The following PTPRM variants were observed in gnomAD, a reference collection of about 807,000 sequenced individuals.
PTPRM encodes receptor-type tyrosine-protein phosphatase mu.
Under a neutral mutation model 186.7 loss-of-function variants are expected in PTPRM, and 47 were observed. The observed-to-expected ratio is 0.25, with a 90% CI of 0.20 to 0.32. The LOEUF is 0.32. Among genes scored for constraint, PTPRM ranks in the 10% least tolerant of loss-of-function variants. The probability of loss-of-function intolerance (pLI) is 1.00; values close to 1 mark genes in which losing one functional copy is unlikely to be tolerated. For synonymous variants in PTPRM, 668 were observed against 674.9 expected, an observed-to-expected ratio of 0.99 and a Z score of 0.16; for missense variants, 1,494 against 1,865.0, an observed-to-expected ratio of 0.80 and a Z score of 3.66.
At position 8,227,368 on chromosome 18, in the gene PTPRM, G is replaced by A. The variant is rs901417645; in HGVS notation, c.2301-16690G>A. On this transcript the variant is annotated intron_variant, in intron 14 of 32. Coordinates refer to ENST00000580170, the MANE Select transcript of PTPRM (RefSeq NM_001105244.2). Reference sequence around the variant, plus strand: ...GTTGCCAGGGCTCCTGAACAAACAGGAAGTATTTACTCACACATAAATTAA... The same window carrying A: ...GTTGCCAGGGCTCCTGAACAAACAGAAAGTATTTACTCACACATAAATTAA... 2.9e-5 allele frequency among the ~76,000 whole-genome samples: 4 copies of A among 140,298 alleles called. No homozygotes were observed. In the East Asian group the frequency reaches 7.9e-4, roughly 28 times the overall value. The allele number at this position is 140,298 out of a possible 152,430, so 92.0% of individuals were successfully genotyped here. A position where few individuals can be genotyped will look rare whatever the true frequency, so the allele number is the denominator to read the frequency against.
At chr18:8,255,804 T>C (rs1185654718) in intron 19 of PTPRM, among the ~76,000 whole-genome samples, 1 of 152,196 alleles carries the variant, frequency 6.6e-6, no homozygotes, top group Non-Finnish European at 1.5e-5. Flanking sequence ...TGTTGTCGTC[T>C]AGTGGGGTAG....
intron 1 of PTPRM, among the ~76,000 whole-genome samples, chr18:7,624,242 A>C (rs980119003): frequency 1.3e-5 from 2 of 152,130 alleles, no homozygotes; most frequent in Admixed American, 1.3e-4. Flanking sequence ...TGTTCTTTCC[A>C]CTGTGCTTGA....
chr18:8,193,834 G>A (rs2093740189), intron 14 of PTPRM, among the ~76,000 whole-genome samples: 1 of 152,252 alleles, frequency 6.6e-6, no homozygotes, highest in Non-Finnish European at 1.5e-5. Context: ...ACTCTGCTAT[G>A]TGTCGCTGAA....
chr18:8,049,765 G>T lies in PTPRM; in HGVS notation c.1133-19921G>T, dbSNP rs188205330. 2.4e-3 allele frequency among the ~76,000 whole-genome samples: 363 copies of T among 150,432 alleles called. 1 individual carries two copies. Among genetic ancestry groups the T allele is most frequent in the African/African-American group, 8.4e-3 (341 of 40,802 alleles). On this transcript the variant is annotated intron_variant, in intron 7 of 32. Transcript: ENST00000580170. The stretch of plus-strand genomic sequence containing the variant: ...CTTGCACTGTCGCCTGGCCTGGAGT[G>T]CAGTGGCGCAGTCTCAGCTCACTGC...
chr18:7,715,192 G>T (rs980381874), intron 1 of PTPRM, among the ~76,000 whole-genome samples: 1 of 152,148 alleles, frequency 6.6e-6, no homozygotes, highest in African/African-American at 2.4e-5. Flanking sequence ...GGGTTGCAAG[G>T]CTGGTTCAAC....
intron 2 of PTPRM, among the ~76,000 whole-genome samples, chr18:7,885,151 C>G (rs991350608): frequency 6.6e-6 from 1 of 152,074 alleles, no homozygotes; most frequent in Non-Finnish European, 1.5e-5. Context: ...CCCAAGGCCT[C>G]CACTTCTTCC....
At chr18:8,234,716 G>A (rs1256886892) in intron 14 of PTPRM, among the ~76,000 whole-genome samples, 1 of 145,334 alleles carries the variant, frequency 6.9e-6, no homozygotes, top group Admixed American at 6.8e-5. Context: ...ATTAGCTATA[G>A]CGTTTTAGTA....
chr18:8,332,587 C>A (rs2095417683), intron 22 of PTPRM, among the ~76,000 whole-genome samples: 1 of 152,132 alleles, frequency 6.6e-6, no homozygotes, highest in Non-Finnish European at 1.5e-5. Context: ...GTTGTGTGCG[C>A]TGGAGAAAAG....
intron 23 of PTPRM, among the ~76,000 whole-genome samples, chr18:8,369,400 A>G (rs1224086995): frequency 6.6e-6 from 1 of 152,250 alleles, no homozygotes. Context: ...GCAGGAAGAC[A>G]GTAGAGCCTG....
intron 2 of PTPRM, among the ~76,000 whole-genome samples, chr18:7,834,528 A>ACACACACACTCACT (rs763752808): frequency 6.8e-6 from 1 of 146,152 alleles, no homozygotes; most frequent in African/African-American, 2.6e-5. Context: ...ACACACACAC[A>ACACACACACTCACT]CTTCCAGACT....
Position 7,826,642 on chromosome 18 carries a change from A to G in PTPRM, c.196+52371A>G, listed in dbSNP as rs146185803. 2.5e-3 allele frequency among the ~76,000 whole-genome samples: 384 copies of G among 152,376 alleles called. 1 individual carries two copies. Among genetic ancestry groups the G allele is most frequent in the Non-Finnish European group, 3.3e-3 (225 of 68,034 alleles). ...AGTTCACACTGTTACTTTATTTTCCAATAATGAAAGTACCATTTGTTCATC... is the reference window on the plus strand; with the variant it reads ...AGTTCACACTGTTACTTTATTTTCCGATAATGAAAGTACCATTTGTTCATC... On this transcript the variant is annotated intron_variant, in intron 2 of 32. Coordinates refer to ENST00000580170, the MANE Select transcript of PTPRM (RefSeq NM_001105244.2).
intron 14 of PTPRM, among the ~76,000 whole-genome samples, chr18:8,167,919 T>C (rs986096556): frequency 1.4e-4 from 21 of 152,228 alleles, no homozygotes; most frequent in Admixed American, 6.5e-5. Context: ...TAAGCCTTTA[T>C]GGTGATTTGT....
At chr18:7,737,084 G>A (rs11660897) in intron 1 of PTPRM, among the ~76,000 whole-genome samples, 62,772 of 150,198 alleles carry the variant, frequency 0.42, 13,976 homozygotes, top group East Asian at 0.84. Context: ...GATTATAGGC[G>A]TGAGCCACCA....
intron 7 of PTPRM, among the ~76,000 whole-genome samples, chr18:8,020,838 G>A (rs1012979981): frequency 1.3e-5 from 2 of 152,140 alleles, no homozygotes; most frequent in Admixed American, 6.5e-5. Flanking sequence ...GTGCAGCAGA[G>A]GCAAGCACAG....
intron 1 of PTPRM, among the ~76,000 whole-genome samples, chr18:7,698,107 G>A (rs2039883214): frequency 6.6e-6 from 1 of 152,200 alleles, no homozygotes; most frequent in Non-Finnish European, 1.5e-5. Flanking sequence ...TGGATGAACT[G>A]AAGTTGTCTA....
intron 4 of PTPRM, among the ~76,000 whole-genome samples, chr18:7,913,151 G>T (rs573791917): frequency 6.6e-6 from 1 of 152,176 alleles, no homozygotes; most frequent in Admixed American, 6.5e-5. Context: ...TTCATTTCTC[G>T]CTTGTAGAAA....
chr18:7,949,222 G>A lies in PTPRM; in HGVS notation c.705G>A (p.Val235=). The A allele has an allele frequency of 1.2e-6, 2 of 1,611,484 alleles. No homozygotes were observed. Among genetic ancestry groups the A allele is most frequent in the South Asian group, 2.2e-5 (2 of 90,986 alleles). Residue 235 remains valine (V), a synonymous_variant, in exon 6 of 33, where the codon GTG becomes GTA. Transcript: ENST00000580170. ...VRDAPLKEIK[V]TSSRRFIASF... ...ATGCTCCTCTGAAGGAAATCAAGGT[G>A]ACCAGCTCCCGACGCTTCATTGCTT...
intron 1 of PTPRM, among the ~76,000 whole-genome samples, chr18:7,767,978 G>T (rs887591065): frequency 6.6e-5 from 10 of 152,162 alleles, no homozygotes; most frequent in Non-Finnish European, 1.3e-4. Flanking sequence ...ATTGCAGCCA[G>T]ATTTTGCATA....
chr18:7,787,599 G>C (rs1056151003), intron 2 of PTPRM, among the ~76,000 whole-genome samples: 1 of 152,206 alleles, frequency 6.6e-6, no homozygotes, highest in African/African-American at 2.4e-5. Flanking sequence ...ATGCCTGAGT[G>C]AGGAAGATGT....
Sources: allele counts gnomAD v4.1 joint callset (sites outside exome capture counted in the v4.1 genomes callset), GRCh38; gene constraint gnomAD v4.1.1; transcripts MANE v1.5; gene names NCBI Gene and HGNC (gene_info 2026-07-23, HGNC 2026-07-21).